The following INTS4 variants were observed in gnomAD, a reference collection of about 807,000 sequenced individuals.
The protein encoded by INTS4 is integrator complex subunit 4.
Under a neutral mutation model 119.5 loss-of-function variants are expected in INTS4, and 70 were observed. The ratio of observed to expected loss-of-function variants is 0.59; its 90% CI spans 0.48 to 0.71. The LOEUF (loss-of-function observed/expected upper bound fraction) is 0.71. Among genes scored for constraint, INTS4 ranks in the 30% least tolerant of loss-of-function variants. INTS4 has a pLI of 0.00. For missense variants in INTS4, 867 were observed against 1,173.2 expected (o/e 0.74, Z 3.81); for synonymous variants, 316 against 419.6 (o/e 0.75, Z 3.02).
intron 7 of INTS4, among the ~76,000 whole-genome samples, chr11:77,956,981 C>A (rs1468489161): frequency 6.6e-6 from 1 of 152,106 alleles, no homozygotes; most frequent in African/African-American, 2.4e-5. Context: ...GTCGCCCAGG[C>A]TGGAGTGCAG....
intron 1 of INTS4, among the ~76,000 whole-genome samples, chr11:77,994,239 C>T (rs1398677414): frequency 6.6e-6 from 1 of 152,054 alleles, no homozygotes; most frequent in African/African-American, 2.4e-5. Context: ...GCTGTATCCT[C>T]GTACCCCTCC....
At chr11:77,962,575 C>A (rs938435768) in intron 4 of INTS4, among the ~76,000 whole-genome samples, 1 of 152,148 alleles carries the variant, frequency 6.6e-6, no homozygotes, top group Non-Finnish European at 1.5e-5. Flanking sequence ...GGATTTCAAA[C>A]TTCTTTTGAC....
intron 10 of INTS4, among the ~76,000 whole-genome samples, chr11:77,933,641 G>A (rs1953715930): frequency 6.6e-6 from 1 of 152,104 alleles, no homozygotes; most frequent in East Asian, 1.9e-4. Context: ...CTGCCCGGCC[G>A]CCACCCCGTC....
At chr11:77,917,950 T>C (rs1953242581) in intron 15 of INTS4, 5 of 649,932 alleles carry the variant, frequency 7.7e-6, no homozygotes, top group Middle Eastern at 7.3e-4. Flanking sequence ...ACTTAAGTTC[T>C]AGTCAATGGA....
At chr11:77,899,811 G>A (rs1483240658) in intron 18 of INTS4, among the ~76,000 whole-genome samples, 2 of 152,016 alleles carry the variant, frequency 1.3e-5, no homozygotes, top group African/African-American at 2.4e-5. Context: ...AGCAAAGTAT[G>A]GTATGATCCC....
intron 1 of INTS4, among the ~76,000 whole-genome samples, chr11:77,992,722 A>G (rs1240992663): frequency 6.6e-6 from 1 of 152,184 alleles, no homozygotes; most frequent in African/African-American, 2.4e-5. Context: ...ATTTGTATTC[A>G]ATTACAACTT....
chr11:77,899,546 T>C (rs1212895293), intron 18 of INTS4, among the ~76,000 whole-genome samples: 2 of 151,890 alleles, frequency 1.3e-5, no homozygotes, highest in African/African-American at 4.8e-5. Flanking sequence ...GTTGCATGCC[T>C]GTAATCCCAG....
chr11:77,914,266 G>A (rs1192866195), intron 15 of INTS4, among the ~76,000 whole-genome samples: 2 of 152,328 alleles, frequency 1.3e-5, no homozygotes, highest in African/African-American at 2.4e-5. Context: ...AGGAAACCCA[G>A]ACCATGAAGG....
chr11:77,910,746 C>T (rs1953072130), intron 15 of INTS4, among the ~76,000 whole-genome samples: 2 of 151,906 alleles, frequency 1.3e-5, no homozygotes, highest in Non-Finnish European at 2.9e-5. Context: ...ACCCTGTATA[C>T]CTTCCCAGAG....
chr11:77,940,047 A>C (rs1292965106), intron 9 of INTS4, among the ~76,000 whole-genome samples: 1 of 152,110 alleles, frequency 6.6e-6, no homozygotes, highest in Non-Finnish European at 1.5e-5. Flanking sequence ...ACTAACAATG[A>C]ATGTACATAT....
rs796672548 is a variant in INTS4 at position 77,950,134 on chromosome 11, G to A, written c.918+5808C>T. 6.7e-4 allele frequency among the ~76,000 whole-genome samples: 102 copies of A among 152,024 alleles called. 2 individuals carry two copies. The highest frequency in any genetic ancestry group is 2.3e-3 in the African/African-American group (97 of 41,442). The stretch of plus-strand genomic sequence containing the variant: ...ACACAAGAACAGAAAACCAAATACC[G>A]CATGTTCTCACTCATAAGTGAGAGT... On this transcript the variant is annotated intron_variant, in intron 8 of 22. Coordinates refer to ENST00000534064, the MANE Select transcript of INTS4 (RefSeq NM_033547.4).
At chr11:77,959,072 T>C (rs1954401288) in intron 6 of INTS4, among the ~76,000 whole-genome samples, 1 of 152,130 alleles carries the variant, frequency 6.6e-6, no homozygotes, top group Non-Finnish European at 1.5e-5. Context: ...ACTGACAGCA[T>C]AAAAACATCT....
chr11:77,963,352 C>CAAAAAAAAAAAAAAAAAA (rs777966254), intron 4 of INTS4: 9 of 177,750 alleles, frequency 5.1e-5, no homozygotes, highest in South Asian at 7.8e-5. Context: ...GACTCCGTCT[C>CAAAAAAAAAAAAAAAAAA]AAAAAAAAAA....
At position 77,942,542 on chromosome 11, in the gene INTS4, C is replaced by G. The variant is rs187832459; in HGVS notation, c.919-1291G>C. Among the ~76,000 whole-genome samples, 557 of 152,222 alleles carry G rather than the reference C, an allele frequency of 3.7e-3. 3 individuals carry two copies. Among genetic ancestry groups the G allele is most frequent in the African/African-American group, 0.013 (532 of 41,534 alleles). ...TTTACTTATATTTTTCCAATTTATT[C>G]TTCCCAATAATCCCATATACCTCTC... is the stretch of plus-strand genomic sequence containing the variant. On this transcript the variant is annotated intron_variant, in intron 8 of 22. Transcript: ENST00000534064.
chr11:77,952,656 T>C (rs1297268807), intron 8 of INTS4, among the ~76,000 whole-genome samples: 1 of 152,196 alleles, frequency 6.6e-6, no homozygotes, highest in Non-Finnish European at 1.5e-5. Context: ...TTTGAAGCTG[T>C]TCAGATTTAA....
In INTS4 at chr11:77,984,340, A is replaced by T. The variant is rs74358002; in HGVS notation, c.247-2764T>A. Among the ~76,000 whole-genome samples, 26 of 152,222 alleles carry T rather than the reference A, an allele frequency of 1.7e-4. No homozygotes were observed. In the East Asian group the frequency reaches 4.8e-3, roughly 28 times the overall value. ...AAAACCCTGTCTCTACCAAAAATAC[A>T]AAAATTAGGCAGGCATGGTGGTGCA... is the stretch of plus-strand genomic sequence containing the variant. On this transcript the variant is annotated intron_variant, in intron 2 of 22. Transcript: ENST00000534064.
rs748853100 is a variant in INTS4, at chr11:77,878,938, C to T, written c.*11G>A. The stretch of plus-strand genomic sequence containing the variant: ...GCCCTCTAGGCCACGGTTGGGAAGA[C>T]TGTTTTTGCCTTAGCGCCGTGCAGG... On this transcript the variant is annotated 3_prime_UTR_variant, in exon 23 of 23. Coordinates refer to ENST00000534064, the MANE Select transcript of INTS4 (RefSeq NM_033547.4). 5 of 1,611,158 alleles carry T rather than the reference C, an allele frequency of 3.1e-6. No homozygotes were observed. Among genetic ancestry groups the T allele is most frequent in the Non-Finnish European group, 3.4e-6 (4 of 1,177,682 alleles).
chr11:77,900,665 G>A, intron 18 of INTS4: 1 of 691,192 alleles, frequency 1.4e-6, no homozygotes, highest in South Asian at 1.5e-5. Flanking sequence ...TTCTTAAGAT[G>A]CACCTTTATT....
intron 4 of INTS4, among the ~76,000 whole-genome samples, chr11:77,973,287 C>T (rs1259999683): frequency 6.6e-6 from 1 of 152,118 alleles, no homozygotes; most frequent in African/African-American, 2.4e-5. Context: ...TCATTTATTA[C>T]TTCAAACAGT....
Sources: allele counts gnomAD v4.1 joint callset (sites outside exome capture counted in the v4.1 genomes callset), GRCh38; gene constraint gnomAD v4.1.1; transcripts MANE v1.5; gene names NCBI Gene and HGNC (gene_info 2026-07-23, HGNC 2026-07-21).